The following LINGO2 variants were observed in gnomAD, a reference collection of about 807,000 sequenced individuals.
The protein encoded by LINGO2 is leucine rich repeat and Ig domain containing 2.
Under a neutral mutation model 30.6 loss-of-function variants are expected in LINGO2, and 14 were observed. The observed-to-expected ratio is 0.46, with a 90% CI of 0.30 to 0.72. The LOEUF is 0.72. LINGO2 is among the 30% of genes least tolerant of loss of function. The probability of loss-of-function intolerance (pLI) is 0.07; values close to 1 mark genes in which losing one functional copy is unlikely to be tolerated. For synonymous variants in LINGO2, 317 were observed against 288.5 expected (o/e 1.10, Z -1.00); for missense variants, 729 against 751.7 (o/e 0.97, Z 0.35).
At chr9:28,911,221 T>C in the LINGO2 span, among the ~76,000 whole-genome samples, 319 of 152,210 alleles carry the variant, frequency 2.1e-3, 1 homozygote, top group Non-Finnish European at 1.8e-3. Context: ...CACATTATAT[T>C]AGATCACTTA....
In LINGO2 at chr9:28,511,894, A is replaced by G. The variant is rs570301082; in HGVS notation, c.-364-35869T>C. On this transcript the variant is annotated intron_variant, in intron 1 of 5. Transcript: ENST00000379992. ...CGATGTCCAAGAAAGGGGCTGTAGT[A>G]CAGCAGCTGTCCACTTTAGGGTGGT... Among the ~76,000 whole-genome samples, 3 of 152,296 alleles carry G rather than the reference A, an allele frequency of 2.0e-5. No homozygotes were observed. The South Asian group carries it at 6.2e-4, about 32-fold the overall frequency.
the LINGO2 span, among the ~76,000 whole-genome samples, chr9:28,734,990 A>T: frequency 6.6e-6 from 1 of 152,098 alleles, no homozygotes; most frequent in South Asian, 2.1e-4. Context: ...GCATTTTATG[A>T]ATTTATCAAT....
chr9:28,558,234 C>T (rs934981037), intron 1 of LINGO2, among the ~76,000 whole-genome samples: 1 of 150,860 alleles, frequency 6.6e-6, no homozygotes, highest in Non-Finnish European at 1.5e-5. Flanking sequence ...TTTCGTTCTA[C>T]TTAAGGGTTT....
intron 2 of LINGO2, among the ~76,000 whole-genome samples, chr9:28,398,882 T>C (rs1397408137): frequency 1.3e-5 from 2 of 152,170 alleles, no homozygotes; most frequent in African/African-American, 4.8e-5. Context: ...TAACCCCTTT[T>C]CGTCTTACAT....
the LINGO2 span, among the ~76,000 whole-genome samples, chr9:28,908,565 A>T: frequency 6.6e-6 from 1 of 151,950 alleles, no homozygotes; most frequent in African/African-American, 2.4e-5. Flanking sequence ...TATTATTTTA[A>T]AAAGTTAGAC....
the LINGO2 span, among the ~76,000 whole-genome samples, chr9:28,745,061 G>A: frequency 1.3e-5 from 2 of 152,010 alleles, no homozygotes; most frequent in Non-Finnish European, 2.9e-5. Context: ...AGACATGTAT[G>A]TTTATTTATC....
chr9:28,851,886 G>GTA, the LINGO2 span, among the ~76,000 whole-genome samples: 2 of 151,658 alleles, frequency 1.3e-5, no homozygotes, highest in Non-Finnish European at 2.9e-5. Flanking sequence ...AAATGTATGT[G>GTA]TATATATATA....
the LINGO2 span, among the ~76,000 whole-genome samples, chr9:29,068,169 G>C: frequency 6.6e-6 from 1 of 151,670 alleles, no homozygotes; most frequent in Admixed American, 6.6e-5. Context: ...TCTCCAGTCT[G>C]CAATCAGAAC....
intron 2 of LINGO2, among the ~76,000 whole-genome samples, chr9:28,421,297 T>A (rs1416403700): frequency 6.6e-6 from 1 of 151,604 alleles, no homozygotes; most frequent in African/African-American, 2.4e-5. Flanking sequence ...CATCAATAAA[T>A]GAAAAAACAT....
intron 1 of LINGO2, among the ~76,000 whole-genome samples, chr9:28,616,683 T>G (rs768306113): frequency 6.6e-6 from 1 of 152,222 alleles, no homozygotes; most frequent in Non-Finnish European, 1.5e-5. Flanking sequence ...AAAAATGCAC[T>G]GTTTTTAGCT....
chr9:28,957,191 G>A, the LINGO2 span, among the ~76,000 whole-genome samples: 1 of 152,144 alleles, frequency 6.6e-6, no homozygotes, highest in Non-Finnish European at 1.5e-5. Flanking sequence ...CACTGTGCAT[G>A]TGAAGCACAC....
chr9:29,082,979 T>C, the LINGO2 span, among the ~76,000 whole-genome samples: 2 of 152,150 alleles, frequency 1.3e-5, no homozygotes, highest in Non-Finnish European at 2.9e-5. Context: ...TTTTACACTG[T>C]TGGTGGGACT....
intron 4 of LINGO2, among the ~76,000 whole-genome samples, chr9:28,222,658 G>T (rs536613559): frequency 1.1e-4 from 17 of 152,270 alleles, no homozygotes; most frequent in African/African-American, 2.6e-4. Flanking sequence ...ATTTGATTTG[G>T]TTTAATAACT....
intron 2 of LINGO2, among the ~76,000 whole-genome samples, chr9:28,404,543 G>GA (rs1172671479): frequency 6.6e-6 from 1 of 152,066 alleles, no homozygotes; most frequent in African/African-American, 2.4e-5. Flanking sequence ...ATATTCAAAA[G>GA]AAAAAATATA....
chr9:29,059,167 A>G, the LINGO2 span, among the ~76,000 whole-genome samples: 1 of 151,896 alleles, frequency 6.6e-6, no homozygotes, highest in Non-Finnish European at 1.5e-5. Context: ...TGCAATATTA[A>G]TAGATTGGAG....
the LINGO2 span, among the ~76,000 whole-genome samples, chr9:28,846,418 C>G: frequency 2.4e-5 from 3 of 125,096 alleles, 1 homozygote; most frequent in East Asian, 7.2e-4. Flanking sequence ...TTCTCTAGAA[C>G]AACCACTCTT....
intron 2 of LINGO2, among the ~76,000 whole-genome samples, chr9:28,405,272 T>C (rs867846608): frequency 2.0e-5 from 3 of 152,174 alleles, no homozygotes; most frequent in Non-Finnish European, 4.4e-5. Context: ...CAACACTGTA[T>C]TATTATTCGA....
intron 5 of LINGO2, among the ~76,000 whole-genome samples, chr9:28,002,817 G>C (rs1822030123): frequency 6.6e-6 from 1 of 152,064 alleles, no homozygotes; most frequent in Non-Finnish European, 1.5e-5. Context: ...GGCTACTCTG[G>C]TTTCCTTCGA....
At chr9:29,039,544 C>T in the LINGO2 span, among the ~76,000 whole-genome samples, 4 of 152,270 alleles carry the variant, frequency 2.6e-5, no homozygotes, top group South Asian at 2.1e-4. Flanking sequence ...AGCCTCTTCT[C>T]GCCTAGTTGG....
Sources: allele counts gnomAD v4.1 joint callset (sites outside exome capture counted in the v4.1 genomes callset), GRCh38; gene constraint gnomAD v4.1.1; transcripts MANE v1.5; gene names NCBI Gene and HGNC (gene_info 2026-07-23, HGNC 2026-07-21).